Variants in LHX5 observed in about 807,000 individuals in gnomAD.
LHX5 encodes LIM homeobox 5.
LHX5 carries 5 observed loss-of-function variants against 30.6 expected under a neutral mutation model. The observed-to-expected ratio is 0.16, with a 90% CI of 0.09 to 0.34. LHX5 has a LOEUF of 0.34. LHX5 is among the 10% of genes least tolerant of loss of function. The probability of loss-of-function intolerance (pLI) is 1.00; values close to 1 mark genes in which losing one functional copy is unlikely to be tolerated. For synonymous variants in LHX5, 266 were observed against 252.6 expected (o/e 1.05, Z -0.50); for missense variants, 458 against 570.6 (o/e 0.80, Z 2.01).
Position 113,467,778 on chromosome 12 carries a change from GCA to G in LHX5, c.675+347_675+348del, listed in dbSNP as rs1178251075. On this transcript the variant is annotated intron_variant, in intron 3 of 4. Coordinates refer to ENST00000261731, the MANE Select transcript of LHX5 (RefSeq NM_022363.3). The surrounding 1 kb of genome is among the most constrained non-coding windows in gnomAD (Gnocchi z 6.3). Reference sequence around the variant, plus strand: ...GCCGTTTGTCTGCCCGCGCTTCGGCGCAGGGAGGGAGGGGGCATCGCCTGTTT... The same window carrying G: ...GCCGTTTGTCTGCCCGCGCTTCGGCGGGGAGGGAGGGGGCATCGCCTGTTT... 2.0e-5 allele frequency among the ~76,000 whole-genome samples: 3 copies of G among 152,238 alleles called. No individual in the cohort carries two copies. The highest frequency in any genetic ancestry group is 2.0e-4 in the Admixed American group (3 of 15,286).
At chr12:113,471,170 A>T (rs1408933711) in intron 1 of LHX5, among the ~76,000 whole-genome samples, 156 bp downstream of exon 1, 1 of 152,140 alleles carries the variant, frequency 6.6e-6, no homozygotes, top group Non-Finnish European at 1.5e-5. Context: ...CCTTTCCTGG[A>T]CCAAGGACAG....
In LHX5 at chr12:113,471,389, G is replaced by T; in HGVS notation, c.110C>A (p.Thr37Asn). The change falls in exon 1 of 5, where the codon ACC (threonine) becomes AAC (asparagine). Residue 37 changes from threonine to asparagine, a missense_variant. By Grantham distance (65) the Thr-to-Asn change is moderately conservative. This residue lies in a region of LHX5 where 178 missense variants were observed against 238.5 expected (regional missense o/e 0.75). Transcript: ENST00000261731. ...CGAGAAGCACTTCTCCGAGAGGTTG[G>T]TTTTGCACTCGCAGCACTGAACACA... Reference protein sequence around the residue: ...IKCVQCCECKTNLSEKCFSRE... With the variant: ...IKCVQCCECKNNLSEKCFSRE... 6.2e-7 allele frequency: 1 copy of T among 1,614,056 alleles called. No individual in the cohort carries two copies. Among genetic ancestry groups the T allele is most frequent in the Non-Finnish European group, 8.5e-7 (1 of 1,179,942 alleles).
Position 113,463,612 on chromosome 12 carries a change from CG to C in LHX5, c.842-56del. 1 of 1,457,292 alleles carries C rather than the reference CG, an allele frequency of 6.9e-7. No individual in the cohort carries two copies. The highest frequency in any genetic ancestry group is 9.0e-7 in the Non-Finnish European group (1 of 1,108,854). 90.3% of individuals were successfully genotyped at this position (1,457,292 alleles called of 1,614,324 possible). ...GCGCGGTGAGAGAAGGCGAAGTAGG[CG>C]GGGGACCCGGGACCCGGGGAGGGGA... On this transcript the variant is annotated intron_variant, in intron 4 of 4. Transcript: ENST00000261731. The surrounding 1 kb of genome is among the most constrained non-coding windows in gnomAD (Gnocchi z 6.7).
rs1958224446 is a variant in LHX5 at position 113,467,837 on chromosome 12, C to A, written c.675+290G>T. Among the ~76,000 whole-genome samples the A allele has an allele frequency of 6.6e-6, 1 of 152,238 alleles. No individual in the cohort carries two copies. The highest frequency in any genetic ancestry group is 6.5e-5 in the Admixed American group (1 of 15,290). Reference sequence around the variant, plus strand: ...TCGAAAGGTGGAGGTAAAGAGGGATCCCGGACCCCAGAGAGGCTTACAACC... The same window carrying A: ...TCGAAAGGTGGAGGTAAAGAGGGATACCGGACCCCAGAGAGGCTTACAACC... On this transcript the variant is annotated intron_variant, in intron 3 of 4. Transcript: ENST00000261731. The surrounding 1 kb of genome is among the most constrained non-coding windows in gnomAD (Gnocchi z 6.3).
rs979707778 is a variant in LHX5, at chr12:113,466,889, G to C, written c.841+367C>G. Among the ~76,000 whole-genome samples, 2 of 152,092 alleles carry C rather than the reference G, an allele frequency of 1.3e-5. No individual in the cohort carries two copies. The highest frequency in any genetic ancestry group is 1.3e-4 in the Admixed American group (2 of 15,274). On this transcript the variant is annotated intron_variant, in intron 4 of 4. Coordinates refer to ENST00000261731, the MANE Select transcript of LHX5 (RefSeq NM_022363.3). This position sits in a 1 kb window ranked among gnomAD's most constrained non-coding sequence, Gnocchi z 6.5. ...GACTGGTGGGAGTGTGCGCGTCTGT[G>C]GAGTTGTGTCTCCGTGAGTGTACCT...
rs1958204882 is a variant in LHX5, at chr12:113,465,166, A to G, written c.842-1609T>C. On this transcript the variant is annotated intron_variant, in intron 4 of 4. Transcript: ENST00000261731. This position sits in a 1 kb window ranked among gnomAD's most constrained non-coding sequence, Gnocchi z 6.7. ...GGGGGTGTCTGGAGGCGTGGCTTGG[A>G]GGCAGTTTAAGCAACAGCTAAAACG... Among the ~76,000 whole-genome samples, 2 of 152,230 alleles carry G rather than the reference A, an allele frequency of 1.3e-5. No homozygotes were observed. Among genetic ancestry groups the G allele is most frequent in the South Asian group, 4.1e-4 (2 of 4,834 alleles).
rs541611140 is a variant in LHX5 at position 113,471,090 on chromosome 12, G to T, written c.173+236C>A. Among the ~76,000 whole-genome samples the T allele has an allele frequency of 2.0e-5, 3 of 152,340 alleles. No homozygotes were observed. In the East Asian group the frequency reaches 5.8e-4, roughly 29 times the overall value. On this transcript the variant is annotated intron_variant, in intron 1 of 4. Coordinates refer to ENST00000261731, the MANE Select transcript of LHX5 (RefSeq NM_022363.3). The stretch of plus-strand genomic sequence containing the variant: ...GGCTTCCTCCCTCTGCCCCGCCAGC[G>T]CTCTGAGCCGGCCTCGAGCCAACGT...
At chr12:113,471,256 C>A in intron 1 of LHX5, 70 bp downstream of exon 1, 1 of 1,535,404 alleles carries the variant, frequency 6.5e-7, no homozygotes, top group Non-Finnish European at 8.9e-7. Context: ...GGGGGTATCC[C>A]CTTCCCCAGC....
In LHX5 at chr12:113,467,205, G is replaced by C; in HGVS notation, c.841+51C>G. The C allele has an allele frequency of 2.2e-6, 3 of 1,384,490 alleles. No individual in the cohort carries two copies. Among genetic ancestry groups the C allele is most frequent in the Non-Finnish European group, 1.9e-6 (2 of 1,061,266 alleles). The allele number at this position is 1,384,490 out of a possible 1,614,324, so 85.8% of individuals were successfully genotyped here. A position where few individuals can be genotyped will look rare whatever the true frequency, so the allele number is the denominator to read the frequency against. On this transcript the variant is annotated intron_variant, in intron 4 of 4. Coordinates refer to ENST00000261731, the MANE Select transcript of LHX5 (RefSeq NM_022363.3). The surrounding 1 kb of genome is among the most constrained non-coding windows in gnomAD (Gnocchi z 6.3). ...TGCTGGCCGGGACCCTTCGCCCTCA[G>C]CTCCCGGAATAGGACAGGTGCGGAA...
At position 113,466,701 on chromosome 12, in the gene LHX5, CG is replaced by C. The variant is rs1295926774; in HGVS notation, c.841+554del. On this transcript the variant is annotated intron_variant, in intron 4 of 4. Coordinates refer to ENST00000261731, the MANE Select transcript of LHX5 (RefSeq NM_022363.3). This position sits in a 1 kb window ranked among gnomAD's most constrained non-coding sequence, Gnocchi z 6.5. The stretch of plus-strand genomic sequence containing the variant: ...GCTGCCTTCGATGCTAGTGAGCAGG[CG>C]GCTTGGAATGAATCCAGACCCCCAT... Among the ~76,000 whole-genome samples the C allele has an allele frequency of 5.3e-5, 8 of 152,200 alleles. No individual in the cohort carries two copies. Among genetic ancestry groups the C allele is most frequent in the African/African-American group, 1.9e-4 (8 of 41,452 alleles).
intron 3 of LHX5, 107 bp downstream of exon 3, chr12:113,468,020 C>A: frequency 2.1e-6 from 3 of 1,414,596 alleles, no homozygotes; most frequent in South Asian, 1.5e-5. Context: ...GCTCCCAGAC[C>A]AGAACCAGGC....
intron 2 of LHX5, 91 bp downstream of exon 2, chr12:113,469,031 C>G (rs1958230564): frequency 1.0e-6 from 1 of 958,832 alleles, no homozygotes; most frequent in Non-Finnish European, 1.6e-6. Context: ...TCAGCACAGA[C>G]AGCACACCGG....
At chr12:113,468,043 A>G in intron 3 of LHX5, 84 bp downstream of exon 3, 1 of 1,440,174 alleles carries the variant, frequency 6.9e-7, no homozygotes. Context: ...GCTCGTAGCC[A>G]AGGAAGCTTG....
rs1202725553 is a variant in LHX5, at chr12:113,467,679, C to A, written c.676-258G>T. On this transcript the variant is annotated intron_variant, in intron 3 of 4. Coordinates refer to ENST00000261731, the MANE Select transcript of LHX5 (RefSeq NM_022363.3). This position sits in a 1 kb window ranked among gnomAD's most constrained non-coding sequence, Gnocchi z 6.3. ...TTCCTGGTCCCCGGCTCGCCCGCGG[C>A]CTGACGGCTCTATAAAGGCCTCCCT... Among the ~76,000 whole-genome samples, 2 of 152,240 alleles carry A rather than the reference C, an allele frequency of 1.3e-5. No homozygotes were observed. Among genetic ancestry groups the A allele is most frequent in the African/African-American group, 2.4e-5 (1 of 41,478 alleles).
chr12:113,463,320 G>T lies in LHX5; in HGVS notation c.1079C>A (p.Thr360Lys), dbSNP rs769316071. The change falls in exon 5 of 5, where the codon ACG becomes AAG. Residue 360 changes from threonine (T) to lysine (K), a missense_variant. By Grantham distance (78) the Thr-to-Lys change is moderately conservative. This residue lies in a region of LHX5 where 255 missense variants were observed against 246.8 expected (regional missense o/e 1.03). Coordinates refer to ENST00000261731, the MANE Select transcript of LHX5 (RefSeq NM_022363.3). The surrounding 1 kb of genome is among the most constrained non-coding windows in gnomAD (Gnocchi z 6.7). ...TACCTCGCCGGGCATGGGGTGCAGC[G>T]TGCCCGGCAGGCCTGGCTCGGGGCT... ...TPSPEPGLPG[T>K]LHPMPGEVFS... 6.5e-7 allele frequency: 1 copy of T among 1,537,706 alleles called. No individual in the cohort carries two copies. Among genetic ancestry groups the T allele is most frequent in the Non-Finnish European group, 8.7e-7 (1 of 1,143,318 alleles).
Position 113,467,167 on chromosome 12 carries a change from G to T in LHX5, c.841+89C>A. 7.8e-7 allele frequency: 1 copy of T among 1,277,988 alleles called. No homozygotes were observed. 79.2% of individuals were successfully genotyped at this position (1,277,988 alleles called of 1,614,324 possible). On this transcript the variant is annotated intron_variant, in intron 4 of 4. Transcript: ENST00000261731. This position sits in a 1 kb window ranked among gnomAD's most constrained non-coding sequence, Gnocchi z 6.3. ...TCCAGCGAGTGGGCGATGTTCTGGAGCGGCGGAAAGCGTGCTGGCCGGGAC... is the reference window on the plus strand; with the variant it reads ...TCCAGCGAGTGGGCGATGTTCTGGATCGGCGGAAAGCGTGCTGGCCGGGAC...
In LHX5 at chr12:113,463,129, T is replaced by C. The variant is rs1593326129; in HGVS notation, c.*61A>G. 4 of 1,407,362 alleles carry C rather than the reference T, an allele frequency of 2.8e-6. No homozygotes were observed. The East Asian group carries it at 1.1e-4, about 40-fold the overall frequency. The allele number at this position is 1,407,362 out of a possible 1,614,324, so 87.2% of individuals were successfully genotyped here. A position where few individuals can be genotyped will look rare whatever the true frequency, so the allele number is the denominator to read the frequency against. ...CGCGTCTGCGTCGGGCGTTTTGGTT[T>C]CAGGAGGCTGCTTCGGGGCGGGGCC... On this transcript the variant is annotated 3_prime_UTR_variant, in exon 5 of 5. Transcript: ENST00000261731. The surrounding 1 kb of genome is among the most constrained non-coding windows in gnomAD (Gnocchi z 6.7).
chr12:113,468,559 C>T (rs977928432), intron 2 of LHX5, among the ~76,000 whole-genome samples, 155 bp from the exon 3 acceptor site: 4 of 152,178 alleles, frequency 2.6e-5, no homozygotes, highest in African/African-American at 9.6e-5. Context: ...CAGCCCCTCC[C>T]CCAGGGACCC....
At position 113,469,080 on chromosome 12, in the gene LHX5, G is replaced by A. The variant is rs1051771575; in HGVS notation, c.397+42C>T. 9 of 1,460,762 alleles carry A rather than the reference G, an allele frequency of 6.2e-6. No homozygotes were observed. In the South Asian group the frequency reaches 1.0e-4, roughly 16 times the overall value. 90.5% of individuals were successfully genotyped at this position (1,460,762 alleles called of 1,614,324 possible). ...AGTGCCAGGCTGGGCACGGTGGGAG[G>A]GTGCTAAGGCCTAAGGCTAGTGAGG... is the stretch of plus-strand genomic sequence containing the variant. On this transcript the variant is annotated intron_variant, in intron 2 of 4. Coordinates refer to ENST00000261731, the MANE Select transcript of LHX5 (RefSeq NM_022363.3).
Sources: allele counts gnomAD v4.1 joint callset (sites outside exome capture counted in the v4.1 genomes callset), GRCh38; gene constraint gnomAD v4.1.1; regional missense constraint gnomAD v4.1.1; non-coding constraint Gnocchi (gnomAD v3.1); transcripts MANE v1.5; gene names NCBI Gene and HGNC (gene_info 2026-07-23, HGNC 2026-07-21).